Variants in NUDT2 observed in about 807,000 individuals in gnomAD.
NUDT2 encodes the protein nudix hydrolase 2.
NUDT2 carries 12 observed loss-of-function variants against 14.2 expected under a neutral mutation model. That is an observed-to-expected ratio of 0.84 (90% confidence interval 0.54 to 1.37). The LOEUF (loss-of-function observed/expected upper bound fraction) is 1.37, where lower values mean the gene tolerates loss of function less well. Ranked by LOEUF, NUDT2 falls within the 40% of genes most tolerant of loss-of-function variation. The pLI, the probability that NUDT2 is intolerant of heterozygous loss-of-function variation, is 0.00. For missense variants in NUDT2, 167 were observed against 176.7 expected, an observed-to-expected ratio of 0.95 and a Z score of 0.31; for synonymous variants, 67 against 67.4, an observed-to-expected ratio of 0.99 and a Z score of 0.03.
chr9:34,330,219 C>A (rs1837860241), intron 1 of NUDT2, among the ~76,000 whole-genome samples: 1 of 152,084 alleles, frequency 6.6e-6, no homozygotes, highest in African/African-American at 2.4e-5. Context: ...CTGGCTAACA[C>A]GGTGAAACCC....
At chr9:34,340,181 C>T (rs890506666) in intron 4 of NUDT2, among the ~76,000 whole-genome samples, 26 of 152,174 alleles carry the variant, frequency 1.7e-4, no homozygotes, top group African/African-American at 5.5e-4. Flanking sequence ...GGTGATCTGC[C>T]CGTCTGAGCC....
intron 1 of NUDT2, among the ~76,000 whole-genome samples, chr9:34,334,973 G>C (rs1478052901): frequency 1.3e-5 from 2 of 152,190 alleles, no homozygotes; most frequent in Non-Finnish European, 2.9e-5. Context: ...GGACAGAGCA[G>C]GGTACCAGGC....
intron 1 of NUDT2, among the ~76,000 whole-genome samples, chr9:34,331,472 T>C (rs1351861621): frequency 6.6e-6 from 1 of 152,244 alleles, no homozygotes; most frequent in Admixed American, 6.5e-5. Context: ...TCTGACTGCA[T>C]AGACAGCCAT....
At chr9:34,339,974 G>A (rs554379140) in intron 4 of NUDT2, among the ~76,000 whole-genome samples, 8 of 150,152 alleles carry the variant, frequency 5.3e-5, no homozygotes, top group South Asian at 2.1e-4. Flanking sequence ...TCGCTTTGTC[G>A]CCCAGGCTGG....
intron 1 of NUDT2, among the ~76,000 whole-genome samples, chr9:34,332,748 T>C (rs1041836282): frequency 6.6e-6 from 1 of 152,062 alleles, no homozygotes; most frequent in Non-Finnish European, 1.5e-5. Flanking sequence ...AAGAATGGAG[T>C]GGCAGATGTC....
At chr9:34,334,795 G>C (rs4879775) in intron 1 of NUDT2, among the ~76,000 whole-genome samples, 2 of 152,018 alleles carry the variant, frequency 1.3e-5, no homozygotes, top group Admixed American at 6.6e-5. Context: ...ATGTGCTTGT[G>C]GTGGCATTGT....
intron 2 of NUDT2, among the ~76,000 whole-genome samples, chr9:34,338,198 CTA>C (rs1017564725): frequency 2.7e-5 from 3 of 111,176 alleles, no homozygotes; most frequent in African/African-American, 9.9e-5. Context: ...AAATAAAAGA[CTA>C]AAAAAAATCA....
chr9:34,343,197 A>G lies in NUDT2; in HGVS notation c.201A>G (p.Ala67=). Residue 67 remains alanine (A), a synonymous_variant, in exon 5 of 5, where the codon GCA becomes GCG. Transcript: ENST00000379158. ...CCCAAGAGGAAGCAGGCATAGAAGCAGGCCAGCTGACCATTATTGAGGGGT... is the reference window on the plus strand; with the variant it reads ...CCCAAGAGGAAGCAGGCATAGAAGCGGGCCAGCTGACCATTATTGAGGGGT... ...RETQEEAGIE[A]GQLTIIEGFK... is the part of the protein sequence containing the mutation. The G allele has an allele frequency of 2.5e-6, 4 of 1,614,144 alleles. No individual in the cohort carries two copies. Among genetic ancestry groups the G allele is most frequent in the Non-Finnish European group, 3.4e-6 (4 of 1,180,020 alleles).
intron 4 of NUDT2, among the ~76,000 whole-genome samples, chr9:34,339,864 C>G (rs1461926360): frequency 6.6e-6 from 1 of 152,156 alleles, no homozygotes; most frequent in East Asian, 1.9e-4. Context: ...AAGTTTTCTT[C>G]CAGCCTGTCT....
intron 4 of NUDT2, 109 bp downstream of exon 4, chr9:34,339,275 G>T: frequency 7.3e-7 from 1 of 1,361,816 alleles, no homozygotes. Context: ...TAGCAAAAAG[G>T]GGTAGGGAAG....
At chr9:34,332,874 C>A (rs7866639) in intron 1 of NUDT2, among the ~76,000 whole-genome samples, 4,671 of 152,132 alleles carry the variant, frequency 0.031, 239 homozygotes, top group African/African-American at 0.11. Flanking sequence ...ATTGTTCTTA[C>A]AAGAAAGAGC....
intron 1 of NUDT2, among the ~76,000 whole-genome samples, chr9:34,335,857 C>T (rs528640523): frequency 1.4e-4 from 21 of 152,262 alleles, no homozygotes; most frequent in Non-Finnish European, 2.5e-4. Context: ...CCCACCCCAC[C>T]GCTGCTTTCC....
At chr9:34,342,037 G>A (rs1035753950) in intron 4 of NUDT2, among the ~76,000 whole-genome samples, 3 of 152,104 alleles carry the variant, frequency 2.0e-5, no homozygotes, top group Admixed American at 1.3e-4. Context: ...TGTGGGAGGG[G>A]ACTAGAGGTA....
chr9:34,334,016 G>A (rs915997788), intron 1 of NUDT2, among the ~76,000 whole-genome samples: 5 of 152,124 alleles, frequency 3.3e-5, no homozygotes, highest in East Asian at 1.9e-4. Flanking sequence ...AATTGACAAC[G>A]CGGCATGAAA....
chr9:34,337,877 C>T (rs1587991344), intron 2 of NUDT2, among the ~76,000 whole-genome samples: 3 of 151,928 alleles, frequency 2.0e-5, no homozygotes, highest in South Asian at 2.1e-4. Flanking sequence ...CTCACTCTGT[C>T]GCCAAGCTGG....
At chr9:34,338,077 C>T (rs1181858216) in intron 2 of NUDT2, among the ~76,000 whole-genome samples, 1 of 139,512 alleles carries the variant, frequency 7.2e-6, no homozygotes, top group South Asian at 2.2e-4. Context: ...CTCTTGACCT[C>T]GTGATCCACC....
intron 1 of NUDT2, among the ~76,000 whole-genome samples, chr9:34,332,069 C>A (rs1837955905): frequency 2.0e-5 from 3 of 152,350 alleles, no homozygotes; most frequent in Middle Eastern, 6.8e-3. Flanking sequence ...TCTCTGCCTC[C>A]AATCTGTCCT....
intron 2 of NUDT2, among the ~76,000 whole-genome samples, chr9:34,336,788 C>T (rs1421255147): frequency 1.3e-5 from 2 of 152,254 alleles, no homozygotes; most frequent in Non-Finnish European, 2.9e-5. Context: ...AGGCAATCCT[C>T]CTGCCTCAGC....
intron 4 of NUDT2, among the ~76,000 whole-genome samples, chr9:34,342,336 C>CT (rs1169487294): frequency 1.3e-5 from 2 of 152,194 alleles, no homozygotes; most frequent in African/African-American, 4.8e-5. Context: ...CAGGGTCCAC[C>CT]TGCAGACAAT....
Sources: gnomAD v4.1 joint callset for allele counts (sites outside exome capture counted in the v4.1 genomes callset) on GRCh38, gnomAD v4.1.1 for gene constraint, MANE v1.5 for transcripts, NCBI Gene and HGNC (gene_info 2026-07-23, HGNC 2026-07-21) for gene names.